Variants in ARID1A observed in about 807,000 individuals in gnomAD.
The protein encoded by ARID1A is AT-rich interactive domain-containing protein 1A.
ARID1A carries 20 observed loss-of-function variants against 212.6 expected under a neutral mutation model. The ratio of observed to expected loss-of-function variants is 0.09; its 90% CI spans 0.07 to 0.14. ARID1A has a LOEUF of 0.14. Among genes scored for constraint, ARID1A ranks in the 10% least tolerant of loss-of-function variants. The probability of loss-of-function intolerance (pLI) is 1.00; values close to 1 mark genes in which losing one functional copy is unlikely to be tolerated. For missense variants in ARID1A, 2,587 were observed against 3,059.0 expected, an observed-to-expected ratio of 0.85 and a Z score of 3.64; for synonymous variants, 1,376 against 1,222.1, an observed-to-expected ratio of 1.13 and a Z score of -2.63.
chr1:26,775,939 A>T, intron 19 of ARID1A: 1 of 675,838 alleles, frequency 1.5e-6, no homozygotes, highest in Non-Finnish European at 2.7e-6. Flanking sequence ...GGAATTTGGG[A>T]GACACTTTGT....
At chr1:26,726,297 C>T (rs532094509) in intron 1 of ARID1A, among the ~76,000 whole-genome samples, 22 of 151,658 alleles carry the variant, frequency 1.5e-4, no homozygotes, top group Non-Finnish European at 3.1e-4. Context: ...CTCAGCCTCC[C>T]GAGTAGCTGG....
intron 1 of ARID1A, among the ~76,000 whole-genome samples, chr1:26,706,293 A>G (rs1442590600): frequency 6.6e-6 from 1 of 152,194 alleles, no homozygotes; most frequent in Non-Finnish European, 1.5e-5. Context: ...ACTAGCAGCC[A>G]AGATTTTTGT....
rs182899162 is a variant in ARID1A at position 26,719,834 on chromosome 1, G to A, written c.1138-9817G>A. Reference sequence around the variant, plus strand: ...CATGCGCCTGTAATCCCAGCTACTCGGGAGGCTGAGACAGGAGAATTGCTT... The same window carrying A: ...CATGCGCCTGTAATCCCAGCTACTCAGGAGGCTGAGACAGGAGAATTGCTT... On this transcript the variant is annotated intron_variant, in intron 1 of 19. Coordinates refer to ENST00000324856, the MANE Select transcript of ARID1A (RefSeq NM_006015.6). Among the ~76,000 whole-genome samples the A allele has an allele frequency of 5.4e-3, 787 of 145,306 alleles. 5 individuals carry two copies. The highest frequency in any genetic ancestry group is 0.027 in the Middle Eastern group (7 of 256).
Position 26,775,006 on chromosome 1 carries a change from G to C in ARID1A, c.4779G>C (p.Arg1593=), listed in dbSNP as rs140978841. ...PQVSSPAPLP[R]PMENRTSPSK... is the part of the protein sequence containing the mutation. Reference sequence around the variant, plus strand: ...TATCCAGCCCTGCTCCCCTGCCCCGGCCAATGGAGAACCGCACCTCTCCTA... The same window carrying C: ...TATCCAGCCCTGCTCCCCTGCCCCGCCCAATGGAGAACCGCACCTCTCCTA... The change falls in exon 18 of 20, where the codon CGG becomes CGC. Residue 1593 remains arginine, a synonymous_variant. Transcript: ENST00000324856. 6.3e-7 allele frequency: 1 copy of C among 1,576,508 alleles called. No individual in the cohort carries two copies. Among genetic ancestry groups the C allele is most frequent in the Non-Finnish European group, 8.6e-7 (1 of 1,161,806 alleles).
At chr1:26,716,610 C>A (rs907751253) in intron 1 of ARID1A, among the ~76,000 whole-genome samples, 3 of 152,000 alleles carry the variant, frequency 2.0e-5, no homozygotes, top group African/African-American at 7.2e-5. Context: ...TGTTCCTCAG[C>A]AAGGCTCTTC....
chr1:26,780,326 G>A lies in ARID1A; in HGVS notation c.6428G>A (p.Arg2143His), dbSNP rs2124148967. The A allele has an allele frequency of 1.2e-6, 2 of 1,614,202 alleles. No individual in the cohort carries two copies. Among genetic ancestry groups the A allele is most frequent in the Non-Finnish European group, 1.7e-6 (2 of 1,180,032 alleles). ...ATTCTGGCCACACCCCCCTTCAGCCGCCTGGAGAAGTTGTATAGCACTATG... is the reference window on the plus strand; with the variant it reads ...ATTCTGGCCACACCCCCCTTCAGCCACCTGGAGAAGTTGTATAGCACTATG... ...DLILATPPFSRLEKLYSTMVR... is the reference protein window; with the variant it reads ...DLILATPPFSHLEKLYSTMVR... The change falls in exon 20 of 20, where the codon CGC becomes CAC. Residue 2143 changes from arginine (R) to histidine (H), a missense_variant. Arg to His is a conservative substitution (Grantham distance 29). Coordinates refer to ENST00000324856, the MANE Select transcript of ARID1A (RefSeq NM_006015.6). This position sits in a 1 kb window ranked among gnomAD's most constrained non-coding sequence, Gnocchi z 7.2.
chr1:26,697,247 G>T lies in ARID1A; in HGVS notation c.844G>T (p.Ala282Ser). The T allele has an allele frequency of 1.5e-6, 2 of 1,372,264 alleles. No individual in the cohort carries two copies. Among genetic ancestry groups the T allele is most frequent in the East Asian group, 3.0e-5 (1 of 33,072 alleles). The allele number at this position is 1,372,264 out of a possible 1,614,324, so 85.0% of individuals were successfully genotyped here. A position where few individuals can be genotyped will look rare whatever the true frequency, so the allele number is the denominator to read the frequency against. The stretch of plus-strand genomic sequence containing the variant: ...CATGGGGGGAGGCGGCCCCTCCGCG[G>T]CCGGCGGGGGAACTCCCCAGCCCAC... The part of the protein sequence containing the change: ...GAMGGGGPSA[A>S]GGGTPQPTAT... The change falls in exon 1 of 20, where the codon GCC becomes TCC. Residue 282 changes from alanine (A) to serine (S), a missense_variant. Physicochemically the swap from Ala to Ser is moderately conservative, Grantham distance 99 (BLOSUM62 1). Coordinates refer to ENST00000324856, the MANE Select transcript of ARID1A (RefSeq NM_006015.6).
intron 8 of ARID1A, among the ~76,000 whole-genome samples, chr1:26,763,537 CCAAGGCGG>C (rs1361772504): frequency 1.3e-5 from 2 of 152,300 alleles, no homozygotes; most frequent in African/African-American, 4.8e-5. Flanking sequence ...CTTTGGGAGG[CCAAGGCGG>C]GCAGATCATG....
rs773088565 is a variant in ARID1A at position 26,779,717 on chromosome 1, C to T, written c.5819C>T (p.Pro1940Leu). ...GCCATCAAGGAGAGCAGCAAGTTTCCATTTGGCATTAGCCCAGCACAGAGC... is the reference window on the plus strand; with the variant it reads ...GCCATCAAGGAGAGCAGCAAGTTTCTATTTGGCATTAGCCCAGCACAGAGC... ...SEAIKESSKF[P>L]FGISPAQSHR... The change falls in exon 20 of 20, where the codon CCA becomes CTA. Residue 1940 changes from proline to leucine, a missense_variant. Physicochemically the swap from Pro to Leu is moderately conservative, Grantham distance 98. Around this residue, in one of 11 missense-constraint regions of ARID1A, gnomAD observed 890 missense variants for 1,098.2 expected, o/e 0.81. Transcript: ENST00000324856. 6.8e-6 allele frequency: 11 copies of T among 1,614,132 alleles called. No homozygotes were observed. Among genetic ancestry groups the T allele is most frequent in the Admixed American group, 3.3e-5 (2 of 60,012 alleles).
At position 26,731,449 on chromosome 1, in the gene ARID1A, C is replaced by T. The variant is rs776630495; in HGVS notation, c.1648C>T (p.Pro550Ser). Reference sequence around the variant, plus strand: ...ACAGCAGCACCCCCAGAGCCAGCCCCCCTACTCACAGCCACAGGCTCAGTC... The same window carrying T: ...ACAGCAGCACCCCCAGAGCCAGCCCTCCTACTCACAGCCACAGGCTCAGTC... ...TTQQHPQSQP[P>S]YSQPQAQSPY... The change falls in exon 3 of 20, where the codon CCC (proline) becomes TCC (serine). Residue 550 changes from proline (P) to serine (S), a missense_variant. By Grantham distance (74) the Pro-to-Ser change is moderately conservative (BLOSUM62 -1). Coordinates refer to ENST00000324856, the MANE Select transcript of ARID1A (RefSeq NM_006015.6). 41 of 1,613,914 alleles carry T rather than the reference C, an allele frequency of 2.5e-5. No homozygotes were observed. Among genetic ancestry groups the T allele is most frequent in the Non-Finnish European group, 3.2e-5 (38 of 1,180,018 alleles).
chr1:26,736,794 C>T (rs142513333), intron 4 of ARID1A, among the ~76,000 whole-genome samples: 309 of 150,258 alleles, frequency 2.1e-3, no homozygotes, highest in African/African-American at 6.9e-3. Flanking sequence ...CCCATCTACT[C>T]GGGAGGCTGA....
At chr1:26,701,157 A>G (rs1350192730) in intron 1 of ARID1A, among the ~76,000 whole-genome samples, 1 of 152,244 alleles carries the variant, frequency 6.6e-6, no homozygotes, top group Admixed American at 6.5e-5. Context: ...ATGAGGGAAT[A>G]GGCTAACAAA....
Position 26,774,225 on chromosome 1 carries a change from A to T in ARID1A, c.4102-104A>T. On this transcript the variant is annotated intron_variant, in intron 17 of 19. Coordinates refer to ENST00000324856, the MANE Select transcript of ARID1A (RefSeq NM_006015.6). This position sits in a 1 kb window ranked among gnomAD's most constrained non-coding sequence, Gnocchi z 5.6. ...TAAGGTGATTCCCATGTTTTCTTGG[A>T]GTCTGTGTCCACCAAGCATCTGGTT... The T allele has an allele frequency of 6.7e-7, 1 of 1,487,322 alleles. No homozygotes were observed. Among genetic ancestry groups the T allele is most frequent in the South Asian group, 1.4e-5 (1 of 69,958 alleles). 92.1% of individuals were successfully genotyped at this position (1,487,322 alleles called of 1,614,324 possible). A position where few individuals can be genotyped will look rare whatever the true frequency, so the allele number is the denominator to read the frequency against.
chr1:26,748,772 A>G (rs1311737640), intron 4 of ARID1A, among the ~76,000 whole-genome samples: 1 of 151,964 alleles, frequency 6.6e-6, no homozygotes, highest in East Asian at 1.9e-4. Context: ...TACAGGCCTG[A>G]TGGGGACTGT....
At chr1:26,742,564 C>T (rs2080797800) in intron 4 of ARID1A, among the ~76,000 whole-genome samples, 1 of 152,184 alleles carries the variant, frequency 6.6e-6, no homozygotes, top group Non-Finnish European at 1.5e-5. Context: ...TTTCAGGCCC[C>T]ATCCTAGATT....
In ARID1A at chr1:26,773,467, T is replaced by C; in HGVS notation, c.3837T>C (p.Tyr1279=). 2 of 1,613,478 alleles carry C rather than the reference T, an allele frequency of 1.2e-6. No individual in the cohort carries two copies. Among genetic ancestry groups the C allele is most frequent in the East Asian group, 2.2e-5 (1 of 44,860 alleles). The change falls in exon 15 of 20, where the codon TAT becomes TAC. Residue 1279 remains tyrosine (Y), a synonymous_variant. Transcript: ENST00000324856. ...GNVAMGPRQH[Y]PYGGPYDRVR... ...TGGCGATGGGACCACGACAGCACTATCCCTATGGAGGTCCTTATGACAGAG... is the reference window on the plus strand; with the variant it reads ...TGGCGATGGGACCACGACAGCACTACCCCTATGGAGGTCCTTATGACAGAG...
chr1:26,725,852 CTTTT>C (rs71007888), intron 1 of ARID1A, among the ~76,000 whole-genome samples: 2 of 126,734 alleles, frequency 1.6e-5, no homozygotes, highest in Non-Finnish European at 3.4e-5. Flanking sequence ...TGGTATAAAC[CTTTT>C]TTTTTTTTTT....
intron 1 of ARID1A, among the ~76,000 whole-genome samples, chr1:26,719,703 G>A (rs1234554612): frequency 1.3e-5 from 2 of 151,928 alleles, no homozygotes; most frequent in East Asian, 3.9e-4. Flanking sequence ...CACTTTGGGA[G>A]GCTGAGGCGG....
At chr1:26,759,744 G>A (rs1352322574) in intron 4 of ARID1A, among the ~76,000 whole-genome samples, 3 of 152,154 alleles carry the variant, frequency 2.0e-5, no homozygotes, top group Non-Finnish European at 4.4e-5. Context: ...CTGAAGACAA[G>A]CAAAGCCTAC....
Sources: gnomAD v4.1 joint callset for allele counts (sites outside exome capture counted in the v4.1 genomes callset) on GRCh38, gnomAD v4.1.1 for gene constraint, gnomAD v4.1.1 regional missense constraint, Gnocchi (gnomAD v3.1) non-coding constraint, MANE v1.5 for transcripts, NCBI Gene and HGNC (gene_info 2026-07-23, HGNC 2026-07-21) for gene names.